Variants in RRP12 observed in about 807,000 individuals in gnomAD.
RRP12 encodes the protein ribosomal RNA processing 12 homolog.
A neutral mutation model predicts 157.3 loss-of-function variants in RRP12; 78 were observed. The observed-to-expected ratio is 0.50, with a 90% CI of 0.41 to 0.60. The LOEUF (loss-of-function observed/expected upper bound fraction) is 0.60, where lower values mean the gene tolerates loss of function less well. Among genes scored for constraint, RRP12 ranks in the 20% least tolerant of loss-of-function variants. The pLI, the probability that RRP12 is intolerant of heterozygous loss-of-function variation, is 0.00. For missense variants in RRP12, 1,521 were observed against 1,679.9 expected, an observed-to-expected ratio of 0.91 and a Z score of 1.65; for synonymous variants, 726 against 670.9, an observed-to-expected ratio of 1.08 and a Z score of -1.27.
chr10:97,380,190 A>G (rs548312719), intron 13 of RRP12, among the ~76,000 whole-genome samples: 84 of 152,228 alleles, frequency 5.5e-4, no homozygotes, highest in Non-Finnish European at 1.2e-4. Context: ...GGTCAACCTA[A>G]TTTATCAGGG....
intron 10 of RRP12, among the ~76,000 whole-genome samples, chr10:97,384,378 A>T (rs1844556848): frequency 6.8e-6 from 1 of 146,490 alleles, no homozygotes; most frequent in South Asian, 2.2e-4. Context: ...CCACCTTGGC[A>T]GCCTGGACAA....
At chr10:97,370,604 G>A in intron 22 of RRP12, 44 bp from the exon 23 acceptor site, 3 of 1,588,220 alleles carry the variant, frequency 1.9e-6, no homozygotes, top group Non-Finnish European at 2.6e-6. Flanking sequence ...TGAGCCATCT[G>A]CCCGGGAAGC....
chr10:97,395,207 T>TATACACACACACAC (rs112214269), intron 3 of RRP12, among the ~76,000 whole-genome samples: 7,005 of 149,894 alleles, frequency 0.047, 211 homozygotes, highest in Middle Eastern at 0.089. Flanking sequence ...TATACACATA[T>TATACACACACACAC]ACACACACAC....
At chr10:97,366,064 A>G (rs1440057405) in intron 29 of RRP12, 44 bp downstream of exon 29, 4 of 1,599,670 alleles carry the variant, frequency 2.5e-6, no homozygotes, top group Non-Finnish European at 3.4e-6. Context: ...CACCGAAGGA[A>G]TAAGTGAACA....
intron 28 of RRP12, 29 bp from the exon 29 acceptor site, chr10:97,366,262 TG>T (rs1241069164): frequency 1.2e-6 from 2 of 1,608,002 alleles, no homozygotes; most frequent in Admixed American, 3.3e-5. Context: ...CATGAGGAGG[TG>T]GAAGGCCAGT....
At chr10:97,375,856 C>A (rs1184015300) in intron 15 of RRP12, among the ~76,000 whole-genome samples, 1 of 152,204 alleles carries the variant, frequency 6.6e-6, no homozygotes, top group African/African-American at 2.4e-5. Flanking sequence ...GTAATCCCAG[C>A]ACTTTGGGAG....
chr10:97,399,165 C>T lies in RRP12; in HGVS notation c.369+1140G>A, dbSNP rs543747846. 4.6e-5 allele frequency among the ~76,000 whole-genome samples: 7 copies of T among 152,068 alleles called. No homozygotes were observed. The South Asian group carries it at 1.2e-3, about 27-fold the overall frequency. On this transcript the variant is annotated intron_variant, in intron 2 of 33. Coordinates refer to ENST00000370992, the MANE Select transcript of RRP12 (RefSeq NM_015179.4). ...GCGCACGCCTCTAATCCCAGCTACT[C>T]GGGAGGCTGAGGCAGGAGAATCACC... is the stretch of plus-strand genomic sequence containing the variant.
chr10:97,390,714 G>T, intron 5 of RRP12, 25 bp downstream of exon 5: 1 of 1,551,576 alleles, frequency 6.4e-7, no homozygotes, highest in Non-Finnish European at 8.9e-7. Context: ...GTCGCCAGAT[G>T]AGAAACTAAA....
At chr10:97,380,495 G>C (rs1348327649) in intron 13 of RRP12, among the ~76,000 whole-genome samples, 1 of 152,216 alleles carries the variant, frequency 6.6e-6, no homozygotes, top group Non-Finnish European at 1.5e-5. Flanking sequence ...AGGAAACTTA[G>C]ATAATTAAAA....
Position 97,387,908 on chromosome 10 carries a change from C to T in RRP12, c.1017+344G>A, listed in dbSNP as rs1337182079. 1.5e-5 allele frequency: 3 copies of T among 204,460 alleles called. No individual in the cohort carries two copies. In the East Asian group the frequency reaches 5.1e-4, roughly 35 times the overall value. The allele number at this position is 204,460 out of a possible 1,614,324, so 12.7% of individuals were successfully genotyped here. ...AGTGAGCCAAGATCGCGCCATTGCA[C>T]TCCAGCTGTGCAACAAGAGCAAAAC... On this transcript the variant is annotated intron_variant, in intron 8 of 33. Transcript: ENST00000370992.
chr10:97,364,677 A>G (rs562150545), intron 29 of RRP12, among the ~76,000 whole-genome samples: 5 of 152,360 alleles, frequency 3.3e-5, no homozygotes, highest in African/African-American at 9.6e-5. Flanking sequence ...AGATCGAGCC[A>G]CTGCACTCCA....
rs772019076 is a variant in RRP12, at chr10:97,390,453, C to A, written c.723G>T (p.Leu241=). 3.1e-6 allele frequency: 5 copies of A among 1,614,030 alleles called. No homozygotes were observed. Residue 241 remains leucine (L), a synonymous_variant, in exon 6 of 34, where the codon CTG becomes CTT. Coordinates refer to ENST00000370992, the MANE Select transcript of RRP12 (RefSeq NM_015179.4). ...GCTTGGGATGCACCGTGAAGCTCAG[C>A]AGCCCATGGTACACCTGAAGGGTCA... ...YPVTLQVYHG[L]LSFTVHPKPK...
In RRP12 at chr10:97,373,494, C is replaced by G. The variant is rs1207221694; in HGVS notation, c.2026+81G>C. On this transcript the variant is annotated intron_variant, in intron 17 of 33. Transcript: ENST00000370992. ...GGTGAGTTTCTGTGGCTCTGCCTGG[C>G]AAGGAGTGTAGCAAGCCAGGGGATG... 2.1e-6 allele frequency: 3 copies of G among 1,422,660 alleles called. No individual in the cohort carries two copies. The African/African-American group carries it at 4.3e-5, about 20-fold the overall frequency. 88.1% of individuals were successfully genotyped at this position (1,422,660 alleles called of 1,614,324 possible). A position where few individuals can be genotyped will look rare whatever the true frequency, so the allele number is the denominator to read the frequency against.
chr10:97,363,995 G>A (rs1843909531), intron 29 of RRP12, 92 bp from the exon 30 acceptor site: 7 of 1,145,098 alleles, frequency 6.1e-6, no homozygotes, highest in Non-Finnish European at 9.3e-6. Context: ...CCAGGCTGCG[G>A]GGCCACCAAC....
chr10:97,358,996 T>G lies in RRP12; in HGVS notation c.3655A>C (p.Ile1219Leu). The change falls in exon 32 of 34, where the codon ATT (isoleucine) becomes CTT (leucine). Residue 1219 changes from isoleucine to leucine, a missense_variant. By Grantham distance (5) the Ile-to-Leu change is conservative. Transcript: ENST00000370992. ...GCCTTCTTGGCCACAGGGCGATGAA[T>G]GCCAGAGCCTCCAGCTACGGGGAGA... Reference protein sequence around the residue: ...PPQYQAGGSGIHRPVAKKAMP... With the variant: ...PPQYQAGGSGLHRPVAKKAMP... 6.2e-7 allele frequency: 1 copy of G among 1,613,842 alleles called. No homozygotes were observed. Among genetic ancestry groups the G allele is most frequent in the East Asian group, 2.2e-5 (1 of 44,858 alleles).
chr10:97,385,780 A>ACCCAG (rs1844614258), intron 9 of RRP12, 115 bp downstream of exon 9: 1 of 738,422 alleles, frequency 1.4e-6, no homozygotes, highest in Admixed American at 2.2e-5. Context: ...CACTAGGACA[A>ACCCAG]CCCAGCCCAG....
intron 6 of RRP12, among the ~76,000 whole-genome samples, chr10:97,389,255 G>A (rs113049384): frequency 0.38 from 57,420 of 151,364 alleles, 11,300 homozygotes; most frequent in African/African-American, 0.49. Context: ...CACCACACCC[G>A]GCTAATTTTT....
chr10:97,378,278 T>C (rs778957767), intron 15 of RRP12, among the ~76,000 whole-genome samples: 1 of 152,194 alleles, frequency 6.6e-6, no homozygotes, highest in East Asian at 1.9e-4. Flanking sequence ...GGTGATTTTA[T>C]TGTGTGAGCA....
intron 9 of RRP12, 48 bp from the exon 10 acceptor site, chr10:97,385,305 G>T: frequency 1.4e-6 from 2 of 1,410,434 alleles, no homozygotes; most frequent in Non-Finnish European, 2.0e-6. Context: ...GTCTGCAATA[G>T]CCCAGTGATG....
Sources: gnomAD v4.1 joint callset for allele counts (sites outside exome capture counted in the v4.1 genomes callset) on GRCh38, gnomAD v4.1.1 for gene constraint, MANE v1.5 for transcripts, NCBI Gene and HGNC (gene_info 2026-07-23, HGNC 2026-07-21) for gene names.